The following C3orf62 variants were observed in gnomAD, a reference collection of about 807,000 sequenced individuals.
The protein encoded by C3orf62 is uncharacterized protein C3orf62.
Under a neutral mutation model 21.7 loss-of-function variants are expected in C3orf62, and 16 were observed. That is an observed-to-expected ratio of 0.74 (90% confidence interval 0.50 to 1.12). C3orf62 has a LOEUF of 1.12. Among genes scored for constraint, C3orf62 ranks in the 50% most tolerant of loss-of-function variants. The probability of loss-of-function intolerance (pLI) is 0.00; values close to 1 mark genes in which losing one functional copy is unlikely to be tolerated. For synonymous variants in C3orf62, 114 were observed against 117.0 expected, an observed-to-expected ratio of 0.97 and a Z score of 0.17; for missense variants, 310 against 318.8, an observed-to-expected ratio of 0.97 and a Z score of 0.21.
In C3orf62 at chr3:49,271,366, A is replaced by T; in HGVS notation, c.618T>A (p.His206Gln). The change falls in exon 3 of 3, where the codon CAT becomes CAA. Residue 206 changes from histidine (H) to glutamine (Q), a missense_variant. Coordinates refer to ENST00000343010, the MANE Select transcript of C3orf62 (RefSeq NM_198562.3). ...FENELNHMCG[H>Q]CQDSPFKEEA... is the part of the protein sequence containing the mutation. Reference sequence around the variant, plus strand: ...CCTCTTTGAAGGGTGAATCTTGGCAATGACCACACATGTGGTTCAATTCGT... The same window carrying T: ...CCTCTTTGAAGGGTGAATCTTGGCATTGACCACACATGTGGTTCAATTCGT... 2 of 1,614,216 alleles carry T rather than the reference A, an allele frequency of 1.2e-6. 1 individual carries two copies. Among genetic ancestry groups the T allele is most frequent in the Middle Eastern group, 3.3e-4 (2 of 6,062 alleles).
At chr3:49,276,272 T>G (rs896801334) in intron 1 of C3orf62, among the ~76,000 whole-genome samples, 155 bp downstream of exon 1, 1 of 152,170 alleles carries the variant, frequency 6.6e-6, no homozygotes, top group Admixed American at 6.5e-5. Context: ...TAGGCCAGAT[T>G]CTGAAGAATG....
chr3:49,271,279 G>A lies in C3orf62; in HGVS notation c.705C>T (p.Ser235=). 6.2e-7 allele frequency: 1 copy of A among 1,614,150 alleles called. No individual in the cohort carries two copies. Among genetic ancestry groups the A allele is most frequent in the African/African-American group, 1.3e-5 (1 of 75,032 alleles). ...PQKATDADPG[S]LKQAFDDHNI... is the part of the protein sequence containing the mutation. ...TATGATCATCAAAAGCCTGTTTGAG[G>A]CTGCCAGGGTCAGCATCTGTGGCCT... Residue 235 remains serine (S), a synonymous_variant, in exon 3 of 3, where the codon AGC becomes AGT. Coordinates refer to ENST00000343010, the MANE Select transcript of C3orf62 (RefSeq NM_198562.3).
chr3:49,274,371 C>G (rs1479034034), intron 1 of C3orf62: 2 of 460,284 alleles, frequency 4.3e-6, no homozygotes, highest in East Asian at 8.5e-5. Flanking sequence ...AAATTTTTTT[C>G]TTTTTTAGAG....
At chr3:49,275,777 G>A (rs1167593647) in intron 1 of C3orf62, among the ~76,000 whole-genome samples, 1 of 151,472 alleles carries the variant, frequency 6.6e-6, no homozygotes, top group Non-Finnish European at 1.5e-5. Context: ...TGATCTGCCC[G>A]CCTCGGCCTC....
At position 49,276,675 on chromosome 3, in the gene C3orf62, T is replaced by TC; in HGVS notation, c.197dup (p.Arg67LysfsTer21). On this transcript the variant is annotated frameshift_variant, in exon 1 of 3. Transcript: ENST00000343010. LOFTEE classifies it high-confidence loss of function. The stretch of plus-strand genomic sequence containing the variant: ...AAGAGCAGGCTGCCAGAGGATGTCT[T>TC]CTGCAGAGGAGCCTGTGCACGGGCA... The TC allele has an allele frequency of 1.9e-6, 3 of 1,614,180 alleles. No homozygotes were observed. Among genetic ancestry groups the TC allele is most frequent in the Non-Finnish European group, 2.5e-6 (3 of 1,180,036 alleles).
intron 2 of C3orf62, among the ~76,000 whole-genome samples, chr3:49,272,038 C>T (rs1283761421): frequency 1.3e-5 from 2 of 152,052 alleles, no homozygotes; most frequent in African/African-American, 4.8e-5. Flanking sequence ...GAGACTCAGG[C>T]CACTGAAGTC....
chr3:49,270,999 G>A lies in C3orf62; in HGVS notation c.*181C>T. ...TAATAGGAAACATTTCAAAGCAATG[G>A]AATTCAAAAAACTGGTCTCACAGCT... On this transcript the variant is annotated 3_prime_UTR_variant, in exon 3 of 3. Transcript: ENST00000343010. The A allele has an allele frequency of 1.6e-6, 1 of 615,572 alleles. No homozygotes were observed. Among genetic ancestry groups the A allele is most frequent in the Non-Finnish European group, 2.8e-6 (1 of 354,058 alleles). The allele number at this position is 615,572 out of a possible 1,614,324, so 38.1% of individuals were successfully genotyped here.
Position 49,271,299 on chromosome 3 carries a change from T to C in C3orf62, c.685A>G (p.Thr229Ala), listed in dbSNP as rs369633108. The C allele has an allele frequency of 1.9e-6, 3 of 1,614,096 alleles. No individual in the cohort carries two copies. Among genetic ancestry groups the C allele is most frequent in the Non-Finnish European group, 2.5e-6 (3 of 1,180,060 alleles). Reference protein sequence around the residue: ...LLMDKSPQKATDADPGSLKQA... With the variant: ...LLMDKSPQKAADADPGSLKQA... Reference sequence around the variant, plus strand: ...TTGAGGCTGCCAGGGTCAGCATCTGTGGCCTTCTGAGGGCTCTTGTCCATG... The same window carrying C: ...TTGAGGCTGCCAGGGTCAGCATCTGCGGCCTTCTGAGGGCTCTTGTCCATG... The change falls in exon 3 of 3, where the codon ACA (threonine) becomes GCA (alanine). Residue 229 changes from threonine to alanine, a missense_variant. Transcript: ENST00000343010.
Position 49,277,076 on chromosome 3 carries a change from A to G in C3orf62, c.-204T>C. The G allele has an allele frequency of 6.7e-7, 1 of 1,484,478 alleles. No individual in the cohort carries two copies. The highest frequency in any genetic ancestry group is 1.2e-5 in the South Asian group (1 of 80,008). The allele number at this position is 1,484,478 out of a possible 1,614,324, so 92.0% of individuals were successfully genotyped here. On this transcript the variant is annotated 5_prime_UTR_variant, in exon 1 of 3. Transcript: ENST00000343010. ...AAAGACGCCCCGCCCCACTTCCCAC[A>G]GCTTCCTGGCCCGCCCCGCCGCTGC...
rs369487607 is a variant in C3orf62 at position 49,273,279 on chromosome 3, G to A, written c.538+770C>T. The stretch of plus-strand genomic sequence containing the variant: ...ACAAATATTAGCCAATCATGGTGGC[G>A]TGCACCTGTAGTACTAGTGTAGTAC... On this transcript the variant is annotated intron_variant, in intron 2 of 2. Transcript: ENST00000343010. Among the ~76,000 whole-genome samples the A allele has an allele frequency of 1.3e-4, 20 of 152,204 alleles. No individual in the cohort carries two copies. The East Asian group carries it at 2.5e-3, about 19-fold the overall frequency.
rs878948441 is a variant in C3orf62, at chr3:49,276,722, C to T, written c.151G>A (p.Ala51Thr). The stretch of plus-strand genomic sequence containing the variant: ...GGCAGCGAGAAGGAGAGCGGCGCGG[C>T]GCTCAGTTCCAGCCTCTGCTGGCCT... ...CTGQQRLELS[A>T]APLSFSLPVH... is the part of the protein sequence containing the mutation. Residue 51 changes from alanine (A) to threonine (T), a missense_variant, in exon 1 of 3, where the codon GCC becomes ACC. Coordinates refer to ENST00000343010, the MANE Select transcript of C3orf62 (RefSeq NM_198562.3). 6.2e-7 allele frequency: 1 copy of T among 1,614,212 alleles called. No homozygotes were observed. The highest frequency in any genetic ancestry group is 1.1e-5 in the South Asian group (1 of 91,082).
chr3:49,274,946 A>T (rs2046940972), intron 1 of C3orf62, among the ~76,000 whole-genome samples: 1 of 151,388 alleles, frequency 6.6e-6, no homozygotes, highest in Non-Finnish European at 1.5e-5. Context: ...CAGCCTCTGG[A>T]GCAGCTGGGA....
At position 49,277,015 on chromosome 3, in the gene C3orf62, C is replaced by T; in HGVS notation, c.-143G>A. On this transcript the variant is annotated 5_prime_UTR_variant, in exon 1 of 3. Coordinates refer to ENST00000343010, the MANE Select transcript of C3orf62 (RefSeq NM_198562.3). Reference sequence around the variant, plus strand: ...TCCTCCTGGAGTAGGCGGTTCTCGGCTCTCGCGGAGGAACCCGCCATCTGC... The same window carrying T: ...TCCTCCTGGAGTAGGCGGTTCTCGGTTCTCGCGGAGGAACCCGCCATCTGC... 1 of 1,462,760 alleles carries T rather than the reference C, an allele frequency of 6.8e-7. No homozygotes were observed. Among genetic ancestry groups the T allele is most frequent in the Admixed American group, 2.5e-5 (1 of 40,682 alleles). The allele number at this position is 1,462,760 out of a possible 1,614,324, so 90.6% of individuals were successfully genotyped here.
chr3:49,277,017 C>G lies in C3orf62; in HGVS notation c.-145G>C. ...CTCCTGGAGTAGGCGGTTCTCGGCTCTCGCGGAGGAACCCGCCATCTGCCA... is the reference window on the plus strand; with the variant it reads ...CTCCTGGAGTAGGCGGTTCTCGGCTGTCGCGGAGGAACCCGCCATCTGCCA... On this transcript the variant is annotated 5_prime_UTR_variant, in exon 1 of 3. Transcript: ENST00000343010. 1 of 1,462,916 alleles carries G rather than the reference C, an allele frequency of 6.8e-7. No individual in the cohort carries two copies. The highest frequency in any genetic ancestry group is 9.0e-7 in the Non-Finnish European group (1 of 1,110,410). 90.6% of individuals were successfully genotyped at this position (1,462,916 alleles called of 1,614,324 possible).
In C3orf62 at chr3:49,277,086, C is replaced by A; in HGVS notation, c.-214G>T. The A allele has an allele frequency of 6.7e-7, 1 of 1,488,078 alleles. No homozygotes were observed. Among genetic ancestry groups the A allele is most frequent in the Non-Finnish European group, 9.0e-7 (1 of 1,117,246 alleles). 92.2% of individuals were successfully genotyped at this position (1,488,078 alleles called of 1,614,324 possible). A position where few individuals can be genotyped will look rare whatever the true frequency, so the allele number is the denominator to read the frequency against. On this transcript the variant is annotated 5_prime_UTR_variant, in exon 1 of 3. Transcript: ENST00000343010. ...CGCCCCACTTCCCACAGCTTCCTGGCCCGCCCCGCCGCTGCCTCCCGCCCC... is the reference window on the plus strand; with the variant it reads ...CGCCCCACTTCCCACAGCTTCCTGGACCGCCCCGCCGCTGCCTCCCGCCCC...
rs1212688022 is a variant in C3orf62 at position 49,277,163 on chromosome 3, G to A, written c.-291C>T. 2.8e-6 allele frequency: 4 copies of A among 1,409,646 alleles called. No individual in the cohort carries two copies. Among genetic ancestry groups the A allele is most frequent in the Non-Finnish European group, 2.8e-6 (3 of 1,066,286 alleles). The allele number at this position is 1,409,646 out of a possible 1,614,324, so 87.3% of individuals were successfully genotyped here. On this transcript the variant is annotated 5_prime_UTR_variant, in exon 1 of 3. Coordinates refer to ENST00000343010, the MANE Select transcript of C3orf62 (RefSeq NM_198562.3). ...ACCGGCACCCCCCCTTTGGCGAGTC[G>A]GCAGCCACGTCCTTGTCCTCACCCG...
chr3:49,271,777 G>T (rs1314073692), intron 2 of C3orf62, among the ~76,000 whole-genome samples: 2 of 152,000 alleles, frequency 1.3e-5, no homozygotes, highest in African/African-American at 2.4e-5. Context: ...GGTCTTTAGG[G>T]TAATAAACTG....
rs2046924006 is a variant in C3orf62 at position 49,272,911 on chromosome 3, T to C, written c.538+1138A>G. Among the ~76,000 whole-genome samples the C allele has an allele frequency of 2.0e-5, 3 of 152,114 alleles. No homozygotes were observed. In the South Asian group the frequency reaches 6.2e-4, roughly 32 times the overall value. ...TAAATTACTCTCTCCTTTTTGCCTA[T>C]GTCCTGTTTCCTAAAAATTTAAGCT... On this transcript the variant is annotated intron_variant, in intron 2 of 2. Coordinates refer to ENST00000343010, the MANE Select transcript of C3orf62 (RefSeq NM_198562.3).
In C3orf62 at chr3:49,277,092, C is replaced by T. The variant is rs1045920052; in HGVS notation, c.-220G>A. The stretch of plus-strand genomic sequence containing the variant: ...ACTTCCCACAGCTTCCTGGCCCGCC[C>T]CGCCGCTGCCTCCCGCCCCACCGCG... On this transcript the variant is annotated 5_prime_UTR_variant, in exon 1 of 3. Coordinates refer to ENST00000343010, the MANE Select transcript of C3orf62 (RefSeq NM_198562.3). 281 of 1,486,732 alleles carry T rather than the reference C, an allele frequency of 1.9e-4. No homozygotes were observed. The highest frequency in any genetic ancestry group is 2.4e-4 in the Non-Finnish European group (270 of 1,115,572). 92.1% of individuals were successfully genotyped at this position (1,486,732 alleles called of 1,614,324 possible).
Sources: gnomAD v4.1 joint callset for allele counts (sites outside exome capture counted in the v4.1 genomes callset) on GRCh38, gnomAD v4.1.1 for gene constraint, MANE v1.5 for transcripts, NCBI Gene and HGNC (gene_info 2026-07-23, HGNC 2026-07-21) for gene names.